ZRANB3: variants seen among roughly 807,000 people sequenced by gnomAD.
ZRANB3 encodes the protein DNA annealing helicase and endonuclease ZRANB3.
Under a neutral mutation model 133.8 loss-of-function variants are expected in ZRANB3, and 125 were observed. The observed-to-expected ratio is 0.93, with a 90% CI of 0.81 to 1.08. ZRANB3 has a LOEUF of 1.08. Among genes scored for constraint, ZRANB3 ranks in the 50% least tolerant of loss-of-function variants. The pLI, the probability that ZRANB3 is intolerant of heterozygous loss-of-function variation, is 0.00. For missense variants in ZRANB3, 1,229 were observed against 1,275.5 expected (o/e 0.96, Z 0.56); for synonymous variants, 387 against 432.7 (o/e 0.89, Z 1.31).
chr2:135,455,589 C>CTTTTTTTTTTTTTT (rs929421233), intron 2 of ZRANB3, among the ~76,000 whole-genome samples: 4 of 126,468 alleles, frequency 3.2e-5, no homozygotes, highest in Admixed American at 8.0e-5. Context: ...TGATTTTTTT[C>CTTTTTTTTTTTTTT]TTTTTTTTTT....
At chr2:135,510,530 G>A in intron 1 of ZRANB3, 1 of 645,536 alleles carries the variant, frequency 1.5e-6, no homozygotes, top group Admixed American at 2.5e-5. Context: ...ATGGCCGCGT[G>A]AAGATCCATG....
At chr2:135,300,922 G>A (rs1222671218) in intron 8 of ZRANB3, among the ~76,000 whole-genome samples, 1 of 152,122 alleles carries the variant, frequency 6.6e-6, no homozygotes, top group Non-Finnish European at 1.5e-5. Context: ...AGAACCTTTA[G>A]AATAAATTAC....
At chr2:135,477,919 G>C (rs1691572519) in intron 2 of ZRANB3, among the ~76,000 whole-genome samples, 2 of 151,994 alleles carry the variant, frequency 1.3e-5, no homozygotes, top group African/African-American at 4.8e-5. Context: ...AGCCCTAGAG[G>C]TGAAGGTTGC....
intron 3 of ZRANB3, among the ~76,000 whole-genome samples, chr2:135,390,053 T>C (rs1687156663): frequency 6.6e-6 from 1 of 151,632 alleles, no homozygotes; most frequent in South Asian, 2.1e-4. Context: ...GCTAAATTTT[T>C]ATATTTTAAT....
At chr2:135,342,122 C>T (rs1399178332) in intron 6 of ZRANB3, among the ~76,000 whole-genome samples, 1 of 149,970 alleles carries the variant, frequency 6.7e-6, no homozygotes, top group Admixed American at 6.6e-5. Flanking sequence ...GGGGGCATCA[C>T]AGAACCTGCC....
rs1446075401 is a variant in ZRANB3, at chr2:135,391,003, G to C, written c.162-183C>G. Among the ~76,000 whole-genome samples, 4 of 151,976 alleles carry C rather than the reference G, an allele frequency of 2.6e-5. No homozygotes were observed. In the South Asian group the frequency reaches 8.3e-4, roughly 32 times the overall value. On this transcript the variant is annotated intron_variant, in intron 2 of 20. Coordinates refer to ENST00000264159, the MANE Select transcript of ZRANB3 (RefSeq NM_032143.4). The stretch of plus-strand genomic sequence containing the variant: ...AGCCTCCTGAGTAGCTGGAACTACA[G>C]ATGCGTGTCACCACGCCCATCTAAT...
At chr2:135,294,769 T>A (rs574299932) in intron 8 of ZRANB3, among the ~76,000 whole-genome samples, 15 of 152,298 alleles carry the variant, frequency 9.8e-5, no homozygotes, top group African/African-American at 3.6e-4. Context: ...CTGCTTTGAA[T>A]GTGTCCCAGA....
rs1011446463 is a variant in ZRANB3, at chr2:135,308,487, T to C, written c.966+5002A>G. Among the ~76,000 whole-genome samples the C allele has an allele frequency of 4.6e-5, 7 of 152,366 alleles. No homozygotes were observed. In the South Asian group the frequency reaches 1.4e-3, roughly 32 times the overall value. ...GGACTCCCAGCTAGCACCTGCTAGA[T>C]GCCAGTGGAAATAAAGCCTGTGAGT... On this transcript the variant is annotated intron_variant, in intron 8 of 20. Coordinates refer to ENST00000264159, the MANE Select transcript of ZRANB3 (RefSeq NM_032143.4).
chr2:135,257,857 G>A (rs971200180), intron 12 of ZRANB3, among the ~76,000 whole-genome samples: 3 of 152,210 alleles, frequency 2.0e-5, no homozygotes, highest in African/African-American at 7.2e-5. Context: ...AACAGACCTT[G>A]AAGCAGAAAG....
At chr2:135,386,461 A>G (rs964510952) in intron 3 of ZRANB3, among the ~76,000 whole-genome samples, 1 of 152,186 alleles carries the variant, frequency 6.6e-6, no homozygotes, top group Non-Finnish European at 1.5e-5. Flanking sequence ...AGAACCAGAA[A>G]TACCATTTGA....
At chr2:135,408,569 C>A (rs1251378612) in intron 2 of ZRANB3, among the ~76,000 whole-genome samples, 1 of 152,138 alleles carries the variant, frequency 6.6e-6, no homozygotes, top group Non-Finnish European at 1.5e-5. Context: ...AGACTTGGAA[C>A]CAACCCAAAT....
chr2:135,329,519 T>C (rs1684027717), intron 6 of ZRANB3, among the ~76,000 whole-genome samples: 1 of 152,224 alleles, frequency 6.6e-6, no homozygotes. Context: ...TTCTTTTTGC[T>C]TAGGATTGTC....
intron 19 of ZRANB3, among the ~76,000 whole-genome samples, chr2:135,205,553 A>G (rs192897725): frequency 2.6e-5 from 4 of 152,234 alleles, no homozygotes; most frequent in Non-Finnish European, 5.9e-5. Context: ...ATGGGGTTCC[A>G]CTATATTGCT....
chr2:135,203,673 TTTAA>T (rs1253547110), intron 19 of ZRANB3, among the ~76,000 whole-genome samples: 2 of 151,862 alleles, frequency 1.3e-5, no homozygotes, highest in East Asian at 3.9e-4. Context: ...TCAAACAATC[TTTAA>T]TTGTTGACCT....
intron 2 of ZRANB3, among the ~76,000 whole-genome samples, chr2:135,419,937 T>C (rs1474677516): frequency 6.6e-6 from 1 of 151,556 alleles, no homozygotes; most frequent in Non-Finnish European, 1.5e-5. Context: ...TTGTCTTTGA[T>C]AGGGTTTTTA....
chr2:135,420,792 A>G (rs1407677176), intron 2 of ZRANB3, among the ~76,000 whole-genome samples: 1 of 152,144 alleles, frequency 6.6e-6, no homozygotes, highest in East Asian at 1.9e-4. Context: ...TATTCAAAAG[A>G]GATATAAGTA....
At chr2:135,308,013 T>C (rs1427586744) in intron 8 of ZRANB3, among the ~76,000 whole-genome samples, 2 of 152,136 alleles carry the variant, frequency 1.3e-5, no homozygotes, top group Non-Finnish European at 2.9e-5. Context: ...ATCTTGAAGG[T>C]TTCTCAGTGT....
chr2:135,462,210 G>A (rs1300340030), intron 2 of ZRANB3, among the ~76,000 whole-genome samples: 1 of 152,080 alleles, frequency 6.6e-6, no homozygotes, highest in Admixed American at 6.6e-5. Context: ...GGCACTGATG[G>A]ACACTTTCCA....
chr2:135,516,920 A>C (rs1693721961), intron 1 of ZRANB3, among the ~76,000 whole-genome samples: 1 of 152,106 alleles, frequency 6.6e-6, no homozygotes. Context: ...AATCAAAAAT[A>C]GTTTGGTCTT....
Sources: gnomAD v4.1 joint callset for allele counts (sites outside exome capture counted in the v4.1 genomes callset) on GRCh38, gnomAD v4.1.1 for gene constraint, MANE v1.5 for transcripts, NCBI Gene and HGNC (gene_info 2026-07-23, HGNC 2026-07-21) for gene names.